INF2: variants seen among roughly 807,000 people sequenced by gnomAD.
INF2 encodes the protein inverted formin-2.
Under a neutral mutation model 123.5 loss-of-function variants are expected in INF2, and 43 were observed. The observed-to-expected ratio is 0.35, with a 90% confidence interval of 0.27 to 0.45. The LOEUF is 0.45. Among genes scored for constraint, INF2 ranks in the 20% least tolerant of loss-of-function variants. The probability of loss-of-function intolerance (pLI) is 1.00; values close to 1 mark genes in which losing one functional copy is unlikely to be tolerated. For synonymous variants in INF2, 851 were observed against 745.0 expected (o/e 1.14, Z -2.32); for missense variants, 1,453 against 1,682.7 (o/e 0.86, Z 2.39).
chr14:104,711,259 G>T lies in INF2; in HGVS notation c.2418+73G>T. On this transcript the variant is annotated intron_variant, in intron 15 of 22. Transcript: ENST00000392634. ...GGACCTGGGGTGTAGAGGCGTAGAG[G>T]CCATACCCCCATGCCCACCACTCAG... is the stretch of plus-strand genomic sequence containing the variant. The T allele has an allele frequency of 2.3e-6, 3 of 1,280,942 alleles. No individual in the cohort carries two copies. In the South Asian group the frequency reaches 3.8e-5, roughly 16 times the overall value. The allele number at this position is 1,280,942 out of a possible 1,614,324, so 79.3% of individuals were successfully genotyped here.
At chr14:104,701,086 C>T (rs2140636108) in intron 1 of INF2, among the ~76,000 whole-genome samples, 1 of 152,268 alleles carries the variant, frequency 6.6e-6, no homozygotes, top group East Asian at 1.9e-4. Flanking sequence ...CCGGCTCCTC[C>T]CCTCCCAGCC....
chr14:104,713,570 G>A lies in INF2; in HGVS notation c.3004G>A (p.Ala1002Thr). Residue 1002 changes from alanine to threonine, a missense_variant, in exon 20 of 23, where the codon GCA becomes ACA. Physicochemically the swap from Ala to Thr is moderately conservative, Grantham distance 58. Coordinates refer to ENST00000392634, the MANE Select transcript of INF2 (RefSeq NM_022489.4). ...CGGGGACACCGACGGGGGCAGCAAG[G>A]CAGCCTCCATGGATCCCCCAAGAGC... is the stretch of plus-strand genomic sequence containing the variant. ...GRGDTDGGSK[A>T]ASMDPPRATE... The A allele has an allele frequency of 6.2e-7, 1 of 1,612,386 alleles. No homozygotes were observed. Among genetic ancestry groups the A allele is most frequent in the Non-Finnish European group, 8.5e-7 (1 of 1,179,746 alleles).
At chr14:104,713,077 GCACCTTTCGTCGGGCCGA>G in intron 18 of INF2, 85 bp downstream of exon 18, 2 of 1,607,576 alleles carry the variant, frequency 1.2e-6, no homozygotes, top group South Asian at 2.2e-5. Flanking sequence ...ATGGGCAGAG[GCACCTTTCGTCGGGCCGA>G]CACAGCCATG....
chr14:104,689,627 C>T lies in INF2; in HGVS notation c.-122C>T. 1 of 924,680 alleles carries T rather than the reference C, an allele frequency of 1.1e-6. No homozygotes were observed. The allele number at this position is 924,680 out of a possible 1,614,324, so 57.3% of individuals were successfully genotyped here. ...CGCCCGCCCCGCGCCCGCCAGGAGC[C>T]ACCGTCCGAGCCTTGCGGAGCGCGG... On this transcript the variant is annotated 5_prime_UTR_variant, in exon 1 of 23. Transcript: ENST00000392634.
rs369998116 is a variant in INF2, at chr14:104,709,670, C to A, written c.2103C>A (p.Ala701=). ...AGGAGCGAGCCAAGCTGGCCAGCGC[C>A]GACCACTTCTACCTCCTCCTGCTGG... ...FTEERAKLAS[A]DHFYLLLLAI... The change falls in exon 12 of 23, where the codon GCC becomes GCA. Residue 701 remains alanine, a synonymous_variant. Transcript: ENST00000392634. 2 of 1,612,716 alleles carry A rather than the reference C, an allele frequency of 1.2e-6. No individual in the cohort carries two copies. The highest frequency in any genetic ancestry group is 1.7e-6 in the Non-Finnish European group (2 of 1,179,840).
Position 104,714,727 on chromosome 14 carries a change from C to T in INF2, c.3565C>T (p.Leu1189=). The stretch of plus-strand genomic sequence containing the variant: ...CCCAGAGTCCGCACTGGACACATCC[C>T]TGGACAAGTCCTTCTCCGAGGATGC... ...TAPESALDTS[L]DKSFSEDAVT... Residue 1189 remains leucine (L), a synonymous_variant, in exon 21 of 23, where the codon CTG becomes TTG. Coordinates refer to ENST00000392634, the MANE Select transcript of INF2 (RefSeq NM_022489.4). 1 of 1,605,612 alleles carries T rather than the reference C, an allele frequency of 6.2e-7. No homozygotes were observed. The highest frequency in any genetic ancestry group is 8.5e-7 in the Non-Finnish European group (1 of 1,175,576).
In INF2 at chr14:104,716,959, T is replaced by A. The variant is rs375894044; in HGVS notation, c.*1+1619T>A. Among the ~76,000 whole-genome samples the A allele has an allele frequency of 7.2e-5, 11 of 152,384 alleles. No individual in the cohort carries two copies. In the East Asian group the frequency reaches 1.3e-3, roughly 19 times the overall value. On this transcript the variant is annotated intron_variant, in intron 22 of 22. Transcript: ENST00000392634. ...CACCCGCCTCGGCCTCCCAAAGTGC[T>A]GGGATTACAGGCGTGAGCCACCGTG...
rs1458975758 is a variant in INF2, at chr14:104,703,896, C to G, written c.668-20C>G. ...GGGGAGTGGCCTCCGAACCCTCTGACCCTGTCCGTCCCTTCCCAGGGCTGC... is the reference window on the plus strand; with the variant it reads ...GGGGAGTGGCCTCCGAACCCTCTGAGCCTGTCCGTCCCTTCCCAGGGCTGC... On this transcript the variant is annotated intron_variant, in intron 4 of 22. Transcript: ENST00000392634. 1 of 1,610,906 alleles carries G rather than the reference C, an allele frequency of 6.2e-7. No individual in the cohort carries two copies. Among genetic ancestry groups the G allele is most frequent in the African/African-American group, 1.3e-5 (1 of 74,930 alleles).
chr14:104,694,468 C>T (rs549475240), intron 1 of INF2, among the ~76,000 whole-genome samples: 4 of 152,322 alleles, frequency 2.6e-5, no homozygotes, highest in Admixed American at 2.6e-4. Context: ...CCGTCCCAGC[C>T]GCCAAACAGG....
At position 104,713,214 on chromosome 14, in the gene INF2, A is replaced by T; in HGVS notation, c.2783A>T (p.Lys928Met). Residue 928 changes from lysine (K) to methionine (M), a missense_variant, in exon 19 of 23, where the codon AAG becomes ATG. Transcript: ENST00000392634. ...CCACATCTGCCAGTGCAGGAGAACA[A>T]GGACCGGAAGGAGCAGGCGGCGAAG... ...DLFLRALKEN[K>M]DRKEQAAKAE... 2 of 1,556,164 alleles carry T rather than the reference A, an allele frequency of 1.3e-6. No individual in the cohort carries two copies. Among genetic ancestry groups the T allele is most frequent in the Non-Finnish European group, 1.7e-6 (2 of 1,150,826 alleles).
In INF2 at chr14:104,701,398, G is replaced by C; in HGVS notation, c.33G>C (p.Trp11Cys). The change falls in exon 2 of 23, where the codon TGG (tryptophan) becomes TGC (cysteine). Residue 11 changes from tryptophan (W) to cysteine (C), a missense_variant. By Grantham distance (215) the Trp-to-Cys change is radical. This residue lies in a region of INF2 where 43 missense variants were observed against 44.7 expected (regional missense o/e 0.96). Coordinates refer to ENST00000392634, the MANE Select transcript of INF2 (RefSeq NM_022489.4). The stretch of plus-strand genomic sequence containing the variant: ...TGAAGGAGGGCGCACAGCGCAAGTG[G>C]GCAGCGCTGAAGGAGAAGCTGGGGC... MSVKEGAQRK[W>C]AALKEKLGPQ... 1 of 1,592,938 alleles carries C rather than the reference G, an allele frequency of 6.3e-7. No individual in the cohort carries two copies. The highest frequency in any genetic ancestry group is 8.6e-7 in the Non-Finnish European group (1 of 1,169,398).
In INF2 at chr14:104,703,956, C is replaced by A. The variant is rs1197009005; in HGVS notation, c.701+7C>A. The stretch of plus-strand genomic sequence containing the variant: ...ACGTCCTGGCTCGCCTGCGGTGAGT[C>A]CCCACTGTAGCGGTCCTGCCGGCTC... On this transcript the variant is annotated splice_region_variant and intron_variant, in intron 5 of 22. Transcript: ENST00000392634. 6.2e-7 allele frequency: 1 copy of A among 1,609,848 alleles called. No individual in the cohort carries two copies. Among genetic ancestry groups the A allele is most frequent in the African/African-American group, 1.3e-5 (1 of 75,042 alleles).
chr14:104,714,328 G>C lies in INF2; in HGVS notation c.3166G>C (p.Gly1056Arg). ...GGACCTTGTAGACGCCGTGACCCCC[G>C]GCCCTCAGCCCACCCTGGAGCAGTT... The part of the protein sequence containing the change: ...GWDLVDAVTP[G>R]PQPTLEQLEE... Residue 1056 changes from glycine to arginine, a missense_variant, in exon 21 of 23, where the codon GGC becomes CGC. This residue lies in a region of INF2 where 344 missense variants were observed against 333.1 expected (regional missense o/e 1.03). Coordinates refer to ENST00000392634, the MANE Select transcript of INF2 (RefSeq NM_022489.4). The C allele has an allele frequency of 6.3e-7, 1 of 1,590,818 alleles. No homozygotes were observed. Among genetic ancestry groups the C allele is most frequent in the Admixed American group, 1.8e-5 (1 of 56,704 alleles).
At chr14:104,700,776 G>A (rs867205426) in intron 1 of INF2, 2 of 927,264 alleles carry the variant, frequency 2.2e-6, no homozygotes, top group South Asian at 5.0e-5. Context: ...ACATGCAGAC[G>A]GGCAGACTGA....
At chr14:104,708,107 C>G in intron 8 of INF2, 105 bp downstream of exon 8, 5 of 1,537,766 alleles carry the variant, frequency 3.3e-6, no homozygotes, top group Non-Finnish European at 4.4e-6. Flanking sequence ...GCGTCCTGCC[C>G]GTGCGTGGCC....
chr14:104,717,295 T>TC (rs35581629), intron 22 of INF2, among the ~76,000 whole-genome samples: 48,683 of 91,730 alleles, frequency 0.53, 13,509 homozygotes, highest in East Asian at 0.89. Flanking sequence ...GTCCTCCCAG[T>TC]CCCCCCCCCG....
chr14:104,686,867 G>A (rs964996368), upstream of INF2, among the ~76,000 whole-genome samples: 10 of 152,194 alleles, frequency 6.6e-5, no homozygotes, highest in Admixed American at 3.3e-4. Context: ...TCAAGCTGTC[G>A]GTGCCAAGGC....
rs576821995 is a variant in INF2, at chr14:104,712,866, T to G, written c.2649T>G (p.Phe883Leu). 8 of 1,612,626 alleles carry G rather than the reference T, an allele frequency of 5.0e-6. No homozygotes were observed. The South Asian group carries it at 8.8e-5, about 18-fold the overall frequency. ...CCTTCCGGGCACTGGATGAGCTGTT[T>G]GAGGCCATCGAGCAGAAGCAACGGG... ...ISAFRALDEL[F>L]EAIEQKQREL... Residue 883 changes from phenylalanine (F) to leucine (L), a missense_variant, in exon 18 of 23, where the codon TTT (phenylalanine) becomes TTG (leucine). Physicochemically the swap from Phe to Leu is conservative, Grantham distance 22 (BLOSUM62 0). This residue lies in a region of INF2 where 212 missense variants were observed against 266.2 expected (regional missense o/e 0.80). Transcript: ENST00000392634.
rs763587154 is a variant in INF2, at chr14:104,714,672, G to A, written c.3510G>A (p.Gly1170=). The change falls in exon 21 of 23, where the codon GGG becomes GGA. Residue 1170 remains glycine (G), a synonymous_variant. Transcript: ENST00000392634. ...GARPPAAGPG[G]DEDEDEEDTA... is the part of the protein sequence containing the mutation. ...GACCCCCTGCAGCAGGCCCAGGTGG[G>A]GATGAGGACGAGGACGAGGAGGACA... 2.5e-6 allele frequency: 4 copies of A among 1,612,124 alleles called. No individual in the cohort carries two copies. The highest frequency in any genetic ancestry group is 1.6e-4 in the Middle Eastern group (1 of 6,082).
Sources: gnomAD v4.1 joint callset for allele counts (sites outside exome capture counted in the v4.1 genomes callset) on GRCh38, gnomAD v4.1.1 for gene constraint, gnomAD v4.1.1 regional missense constraint, MANE v1.5 for transcripts, NCBI Gene and HGNC (gene_info 2026-07-23, HGNC 2026-07-21) for gene names.